The following KLF12 variants were observed in gnomAD, a reference collection of about 807,000 sequenced individuals.
The protein encoded by KLF12 is Krueppel-like factor 12.
In KLF12, 9 loss-of-function variants were observed where a neutral mutation model predicts 37.8. The observed-to-expected ratio is 0.24, with a 90% CI of 0.14 to 0.42. The LOEUF is 0.42. KLF12 is among the 10% of genes least tolerant of loss of function. The pLI is 1.00. For missense variants in KLF12, 411 were observed against 516.0 expected, an observed-to-expected ratio of 0.80 and a Z score of 1.97; for synonymous variants, 208 against 202.1, an observed-to-expected ratio of 1.03 and a Z score of -0.25.
At chr13:74,140,793 C>T in the KLF12 span, among the ~76,000 whole-genome samples, 1 of 152,090 alleles carries the variant, frequency 6.6e-6, no homozygotes, top group African/African-American at 2.4e-5. Flanking sequence ...GTGGCTCATG[C>T]CTGTAATCCC....
the KLF12 span, among the ~76,000 whole-genome samples, chr13:74,204,321 T>A: frequency 6.6e-6 from 1 of 152,178 alleles, no homozygotes. Context: ...ATGTAAGGGT[T>A]ACAAGTGCAG....
intron 1 of KLF12, among the ~76,000 whole-genome samples, chr13:74,110,304 G>A (rs866094153): frequency 1.3e-5 from 2 of 152,110 alleles, no homozygotes; most frequent in Non-Finnish European, 2.9e-5. Flanking sequence ...ACCCATCAAC[G>A]TGTGGCTTAC....
At chr13:74,246,753 T>C in the KLF12 span, among the ~76,000 whole-genome samples, 1 of 152,228 alleles carries the variant, frequency 6.6e-6, no homozygotes, top group African/African-American at 2.4e-5. Flanking sequence ...CTCTGCACAC[T>C]TATGCACGTG....
At chr13:73,808,515 C>G (rs1268380412) in intron 5 of KLF12, among the ~76,000 whole-genome samples, 1 of 151,308 alleles carries the variant, frequency 6.6e-6, no homozygotes, top group East Asian at 2.0e-4. Context: ...AAGCAGCGGT[C>G]TTTTTAATTT....
At chr13:74,102,615 T>C (rs1407340238) in intron 1 of KLF12, among the ~76,000 whole-genome samples, 4 of 151,936 alleles carry the variant, frequency 2.6e-5, no homozygotes, top group African/African-American at 9.7e-5. Context: ...GAGAATCGCT[T>C]GCACCTGGGA....
At chr13:73,982,893 A>C (rs986752658) in intron 2 of KLF12, among the ~76,000 whole-genome samples, 1 of 151,640 alleles carries the variant, frequency 6.6e-6, no homozygotes, top group African/African-American at 2.4e-5. Context: ...CTTTTCATTT[A>C]TTTCAGGATT....
At chr13:73,891,334 A>G (rs1011881088) in intron 3 of KLF12, among the ~76,000 whole-genome samples, 2 of 152,114 alleles carry the variant, frequency 1.3e-5, no homozygotes, top group Admixed American at 1.3e-4. Context: ...TACCATTGCT[A>G]TGCAGATAAA....
chr13:73,876,008 G>T (rs1886685053), intron 3 of KLF12, among the ~76,000 whole-genome samples: 1 of 151,956 alleles, frequency 6.6e-6, no homozygotes, highest in African/African-American at 2.4e-5. Flanking sequence ...TTGGCTTTTG[G>T]AATTAGATTC....
At chr13:74,210,535 A>T in the KLF12 span, among the ~76,000 whole-genome samples, 1 of 152,190 alleles carries the variant, frequency 6.6e-6, no homozygotes, top group East Asian at 1.9e-4. Flanking sequence ...AACTGTTTTT[A>T]ATCTGTGAGA....
chr13:73,766,116 C>T (rs932604306), intron 5 of KLF12, among the ~76,000 whole-genome samples: 1 of 152,200 alleles, frequency 6.6e-6, no homozygotes, highest in Non-Finnish European at 1.5e-5. Flanking sequence ...CTTTTCCTCA[C>T]AGCGCTTCTC....
the KLF12 span, among the ~76,000 whole-genome samples, chr13:74,160,476 T>C: frequency 6.6e-6 from 1 of 152,234 alleles, no homozygotes; most frequent in Non-Finnish European, 1.5e-5. Context: ...GAAGTTTCTG[T>C]GTTTTCAGGG....
At chr13:73,919,190 G>A (rs1212280606) in intron 3 of KLF12, among the ~76,000 whole-genome samples, 3 of 152,154 alleles carry the variant, frequency 2.0e-5, no homozygotes, top group Non-Finnish European at 1.5e-5. Flanking sequence ...CATTGATTTA[G>A]TTCAGCTGTT....
At position 73,687,002 on chromosome 13, in the gene KLF12, C is replaced by A. The variant is rs1873532002; in HGVS notation, c.*8488G>T. On this transcript the variant is annotated 3_prime_UTR_variant, in exon 8 of 8. Coordinates refer to ENST00000377669, the MANE Select transcript of KLF12 (RefSeq NM_007249.5). ...AGAACATGACGTTAGAATTGACCCC[C>A]ACACACCAAGAACAACGTCTAGACT... 6.6e-6 allele frequency: 1 copy of A among 152,466 alleles called. No homozygotes were observed. The allele number at this position is 152,466 out of a possible 1,614,324, so 9.4% of individuals were successfully genotyped here. A position where few individuals can be genotyped will look rare whatever the true frequency, so the allele number is the denominator to read the frequency against.
At chr13:73,930,248 CAT>C (rs1889602659) in intron 3 of KLF12, among the ~76,000 whole-genome samples, 1 of 152,140 alleles carries the variant, frequency 6.6e-6, no homozygotes, top group Non-Finnish European at 1.5e-5. Context: ...ATCATAAAAG[CAT>C]AGTCATATGC....
intron 4 of KLF12, among the ~76,000 whole-genome samples, chr13:73,815,972 A>G (rs952641593): frequency 2.0e-5 from 3 of 152,196 alleles, no homozygotes; most frequent in African/African-American, 7.2e-5. Flanking sequence ...TTTTTGATGT[A>G]CTTTTCAGGA....
the KLF12 span, among the ~76,000 whole-genome samples, chr13:74,301,672 A>T: frequency 6.6e-6 from 1 of 152,178 alleles, no homozygotes; most frequent in South Asian, 2.1e-4. Context: ...TTTTCAGAGT[A>T]TGCAGGAATG....
intron 7 of KLF12, among the ~76,000 whole-genome samples, chr13:73,712,776 C>G: frequency 6.6e-6 from 1 of 152,352 alleles, no homozygotes; most frequent in South Asian, 2.1e-4. Flanking sequence ...AGACCCTCCA[C>G]TAGTCAAAAG....
At chr13:74,172,046 T>C in the KLF12 span, among the ~76,000 whole-genome samples, 4 of 152,088 alleles carry the variant, frequency 2.6e-5, no homozygotes, top group Non-Finnish European at 4.4e-5. Flanking sequence ...ACTATACCAT[T>C]GACCCCAGCC....
At position 73,843,172 on chromosome 13, in the gene KLF12, T is replaced by C. The variant is rs1195731091; in HGVS notation, c.670+2655A>G. On this transcript the variant is annotated intron_variant, in intron 4 of 7. Transcript: ENST00000377669. ...CTGTTTAAAATTCAACAAGTTTTTG[T>C]TCCTCCATACTTGTTTTTATAAAAA... Among the ~76,000 whole-genome samples the C allele has an allele frequency of 2.0e-5, 3 of 152,200 alleles. No individual in the cohort carries two copies. In the East Asian group the frequency reaches 5.8e-4, roughly 29 times the overall value.
Sources: gnomAD v4.1 joint callset for allele counts (sites outside exome capture counted in the v4.1 genomes callset) on GRCh38, gnomAD v4.1.1 for gene constraint, MANE v1.5 for transcripts, NCBI Gene and HGNC (gene_info 2026-07-23, HGNC 2026-07-21) for gene names.